The following PIK3C2G variants were observed in gnomAD, a reference collection of about 807,000 sequenced individuals.
The protein encoded by PIK3C2G is phosphatidylinositol 3-kinase C2 domain-containing subunit gamma.
Under a neutral mutation model 181.1 loss-of-function variants are expected in PIK3C2G, and 168 were observed. The observed-to-expected ratio is 0.93, with a 90% CI of 0.82 to 1.05. The LOEUF (loss-of-function observed/expected upper bound fraction) is 1.05, where lower values mean the gene tolerates loss of function less well. PIK3C2G is among the 50% of genes least tolerant of loss of function. The probability of loss-of-function intolerance (pLI) is 0.00; values close to 1 mark genes in which losing one functional copy is unlikely to be tolerated. For synonymous variants in PIK3C2G, 573 were observed against 592.2 expected (o/e 0.97, Z 0.47); for missense variants, 1,869 against 1,732.8 (o/e 1.08, Z -1.40).
At chr12:18,593,626 G>T (rs1049396401) in intron 29 of PIK3C2G, among the ~76,000 whole-genome samples, 2 of 151,818 alleles carry the variant, frequency 1.3e-5, no homozygotes, top group Non-Finnish European at 2.9e-5. Flanking sequence ...AAGATCTCAT[G>T]GAGAGGACTA....
At chr12:18,351,683 A>T (rs541402682) in intron 11 of PIK3C2G, among the ~76,000 whole-genome samples, 8 of 152,354 alleles carry the variant, frequency 5.3e-5, no homozygotes, top group African/African-American at 1.9e-4. Flanking sequence ...AGCTCCTTAC[A>T]TAAAATGGCA....
At chr12:18,381,736 G>T (rs1335161539) in intron 13 of PIK3C2G, 30 bp from the exon 14 acceptor site, 6 of 1,259,322 alleles carry the variant, frequency 4.8e-6, no homozygotes, top group Non-Finnish European at 5.8e-6. Flanking sequence ...AGTGACTCCT[G>T]TCTGTGTGTG....
intron 4 of PIK3C2G, among the ~76,000 whole-genome samples, chr12:18,291,916 A>C (rs1392417735): frequency 2.6e-5 from 4 of 151,522 alleles, no homozygotes; most frequent in Non-Finnish European, 5.9e-5. Flanking sequence ...AATTGTTTTA[A>C]AGAATATAGG....
downstream of PIK3C2G, among the ~76,000 whole-genome samples, chr12:18,650,859 T>C (rs1325248364): frequency 1.3e-5 from 2 of 150,798 alleles, no homozygotes; most frequent in East Asian, 3.9e-4. Context: ...GAAAATACTC[T>C]GGTCCAACTT....
chr12:18,586,979 C>T (rs1946815105), intron 29 of PIK3C2G, among the ~76,000 whole-genome samples: 2 of 152,146 alleles, frequency 1.3e-5, no homozygotes, highest in South Asian at 4.1e-4. Context: ...CCAATAGATG[C>T]AGAAAAGGCG....
At chr12:18,259,655 T>A (rs1342188176), upstream of PIK3C2G, among the ~76,000 whole-genome samples, 1 of 152,150 alleles carries the variant, frequency 6.6e-6, no homozygotes, top group Non-Finnish European at 1.5e-5. Context: ...CTGTTCACCA[T>A]GGAACTTAAA....
chr12:18,297,749 C>A (rs952544095), intron 5 of PIK3C2G, among the ~76,000 whole-genome samples: 1 of 151,942 alleles, frequency 6.6e-6, no homozygotes, highest in African/African-American at 2.4e-5. Context: ...CGTGAGATAA[C>A]CATTTTTAGT....
intron 18 of PIK3C2G, among the ~76,000 whole-genome samples, chr12:18,468,355 C>T (rs191947341): frequency 1.3e-3 from 194 of 152,090 alleles, no homozygotes; most frequent in African/African-American, 4.3e-3. Context: ...CTGGTGGCCA[C>T]CCTCTTGCAA....
chr12:18,568,414 CT>C (rs1945751963), intron 29 of PIK3C2G, among the ~76,000 whole-genome samples: 1 of 138,528 alleles, frequency 7.2e-6, no homozygotes, highest in Admixed American at 7.3e-5. Context: ...GTGTGTGTGT[CT>C]GTGTGTGTGT....
chr12:18,715,916 A>G, the PIK3C2G span: 1 of 152,164 alleles, frequency 6.6e-6, no homozygotes, highest in Non-Finnish European at 1.5e-5. Context: ...TTGTCTTTGT[A>G]TTGGAGAAAT....
downstream of PIK3C2G, among the ~76,000 whole-genome samples, chr12:18,653,211 G>A (rs1223213655): frequency 6.6e-6 from 1 of 152,144 alleles, no homozygotes; most frequent in Non-Finnish European, 1.5e-5. Flanking sequence ...TTTGGGTCAG[G>A]AGTTGATTCC....
intron 1 of PIK3C2G, among the ~76,000 whole-genome samples, chr12:18,250,170 G>A (rs542791694): frequency 3.2e-4 from 49 of 151,914 alleles, no homozygotes; most frequent in Admixed American, 1.6e-3. Context: ...TCTTATTATG[G>A]TGAAAATAGA....
intron 29 of PIK3C2G, among the ~76,000 whole-genome samples, chr12:18,581,600 T>C (rs1231242917): frequency 1.3e-5 from 2 of 152,200 alleles, no homozygotes; most frequent in Non-Finnish European, 2.9e-5. Flanking sequence ...TTTACTGTGA[T>C]GGCAAAAACT....
At position 18,496,124 on chromosome 12, in the gene PIK3C2G, G is replaced by T; in HGVS notation, c.2856G>T (p.Pro952=). ...AGATTACTTTCATCAATGCTAATCCGATGGGCAAAAACATCAGCATTATTT... is the reference window on the plus strand; with the variant it reads ...AGATTACTTTCATCAATGCTAATCCTATGGGCAAAAACATCAGCATTATTT... ...PLKITFINAN[P]MGKNISIIFK... is the part of the protein sequence containing the mutation. Residue 952 remains proline, a synonymous_variant, in exon 21 of 33, where the codon CCG becomes CCT. Coordinates refer to ENST00000538779, the MANE Select transcript of PIK3C2G (RefSeq NM_001288772.2). 2 of 1,538,192 alleles carry T rather than the reference G, an allele frequency of 1.3e-6. No individual in the cohort carries two copies. Among genetic ancestry groups the T allele is most frequent in the Admixed American group, 2.0e-5 (1 of 49,946 alleles).
chr12:18,535,513 A>T (rs1943802744), intron 24 of PIK3C2G, among the ~76,000 whole-genome samples: 1 of 152,038 alleles, frequency 6.6e-6, no homozygotes, highest in African/African-American at 2.4e-5. Flanking sequence ...GTGTTATCTC[A>T]TGAACTTGAG....
At chr12:18,515,748 TA>T (rs1942495548) in intron 24 of PIK3C2G, among the ~76,000 whole-genome samples, 4 of 152,006 alleles carry the variant, frequency 2.6e-5, no homozygotes, top group African/African-American at 9.7e-5. Flanking sequence ...TTCCTTCCAC[TA>T]ATTTGGGGCT....
chr12:18,374,157 C>T (rs902453566), intron 13 of PIK3C2G, among the ~76,000 whole-genome samples: 25 of 152,276 alleles, frequency 1.6e-4, no homozygotes, highest in African/African-American at 5.8e-4. Context: ...AAAGCCCAAG[C>T]ATGCCCAAAG....
At chr12:18,584,536 G>A (rs1946674759) in intron 29 of PIK3C2G, among the ~76,000 whole-genome samples, 1 of 152,002 alleles carries the variant, frequency 6.6e-6, no homozygotes, top group South Asian at 2.1e-4. Context: ...TGAGACATAT[G>A]GAATCAAGTA....
At chr12:18,262,492 T>C (rs1236396678) in intron 1 of PIK3C2G, among the ~76,000 whole-genome samples, 1 of 151,960 alleles carries the variant, frequency 6.6e-6, no homozygotes, top group African/African-American at 2.4e-5. Flanking sequence ...GCTCTTTCCA[T>C]GACATGTTAT....
Sources: gnomAD v4.1 joint callset for allele counts (sites outside exome capture counted in the v4.1 genomes callset) on GRCh38, gnomAD v4.1.1 for gene constraint, MANE v1.5 for transcripts, NCBI Gene and HGNC (gene_info 2026-07-23, HGNC 2026-07-21) for gene names.